ARHGAP10: variants seen among roughly 807,000 people sequenced by gnomAD.
ARHGAP10 encodes Rho GTPase activating protein 10.
Under a neutral mutation model 108.6 loss-of-function variants are expected in ARHGAP10, and 87 were observed. The ratio of observed to expected loss-of-function variants is 0.80; its 90% CI spans 0.67 to 0.96. The LOEUF (loss-of-function observed/expected upper bound fraction) is 0.96, where lower values mean the gene tolerates loss of function less well. ARHGAP10 is among the 40% of genes least tolerant of loss of function. The probability of loss-of-function intolerance (pLI) is 0.00; values close to 1 mark genes in which losing one functional copy is unlikely to be tolerated. For synonymous variants in ARHGAP10, 347 were observed against 341.1 expected, an observed-to-expected ratio of 1.02 and a Z score of -0.19; for missense variants, 939 against 954.5, an observed-to-expected ratio of 0.98 and a Z score of 0.21.
intron 19 of ARHGAP10, among the ~76,000 whole-genome samples, chr4:148,024,610 A>G (rs1470213740): frequency 6.6e-6 from 1 of 152,244 alleles, no homozygotes; most frequent in Non-Finnish European, 1.5e-5. Flanking sequence ...TGATACAAAT[A>G]TTAGTTTTAC....
At chr4:147,755,151 A>G (rs1304238581) in intron 1 of ARHGAP10, among the ~76,000 whole-genome samples, 1 of 152,138 alleles carries the variant, frequency 6.6e-6, no homozygotes, top group African/African-American at 2.4e-5. Flanking sequence ...ATATAATAAA[A>G]GCAAACTTAT....
intron 1 of ARHGAP10, among the ~76,000 whole-genome samples, chr4:147,764,201 G>C (rs149574733): frequency 1.4e-3 from 218 of 152,306 alleles, no homozygotes; most frequent in Middle Eastern, 3.4e-3. Context: ...TACAAGGTCT[G>C]TTTGGGGTAT....
At position 148,062,592 on chromosome 4, in the gene ARHGAP10, A is replaced by G. The variant is rs201592790; in HGVS notation, c.2028-556A>G. On this transcript the variant is annotated intron_variant, in intron 20 of 22. Coordinates refer to ENST00000336498, the MANE Select transcript of ARHGAP10 (RefSeq NM_024605.4). The stretch of plus-strand genomic sequence containing the variant: ...CTGTTTACATTAACTTTAAAAAAAA[A>G]GGGAAATATTAAGAAATGCTCTGGT... 3.9e-5 allele frequency among the ~76,000 whole-genome samples: 6 copies of G among 152,262 alleles called. No individual in the cohort carries two copies. In the East Asian group the frequency reaches 7.7e-4, roughly 20 times the overall value.
chr4:147,884,246 C>G (rs1365688916), intron 10 of ARHGAP10, among the ~76,000 whole-genome samples: 1 of 152,090 alleles, frequency 6.6e-6, no homozygotes, highest in East Asian at 1.9e-4. Context: ...CAGCCATGAT[C>G]CTAGCTATGA....
chr4:147,788,174 T>G (rs1730971466), intron 1 of ARHGAP10, among the ~76,000 whole-genome samples: 1 of 151,992 alleles, frequency 6.6e-6, no homozygotes, highest in Non-Finnish European at 1.5e-5. Flanking sequence ...GGGCCAGGCA[T>G]GGTGGCTTGC....
intron 20 of ARHGAP10, among the ~76,000 whole-genome samples, chr4:148,047,357 A>G (rs569712763): frequency 1.3e-5 from 2 of 152,316 alleles, no homozygotes; most frequent in South Asian, 4.1e-4. Flanking sequence ...ATGTTTCCCC[A>G]CTAGTTATGC....
chr4:147,796,193 A>G (rs952224509), intron 1 of ARHGAP10, among the ~76,000 whole-genome samples: 6 of 152,130 alleles, frequency 3.9e-5, no homozygotes, highest in Admixed American at 2.0e-4. Flanking sequence ...AGTTTCTTCT[A>G]TTTTCTCCAT....
chr4:147,769,381 A>G (rs956090765), intron 1 of ARHGAP10, among the ~76,000 whole-genome samples: 1 of 152,216 alleles, frequency 6.6e-6, no homozygotes, highest in Non-Finnish European at 1.5e-5. Context: ...ATAAGTATAC[A>G]TTCTACAGGC....
At position 148,072,245 on chromosome 4, in the gene ARHGAP10, G is replaced by C; in HGVS notation, c.*164G>C. The C allele has an allele frequency of 1.4e-5, 6 of 443,832 alleles. No homozygotes were observed. The highest frequency in any genetic ancestry group is 2.0e-5 in the Non-Finnish European group (5 of 244,672). The allele number at this position is 443,832 out of a possible 1,614,324, so 27.5% of individuals were successfully genotyped here. A position where few individuals can be genotyped will look rare whatever the true frequency, so the allele number is the denominator to read the frequency against. On this transcript the variant is annotated 3_prime_UTR_variant, in exon 23 of 23. Transcript: ENST00000336498. Reference sequence around the variant, plus strand: ...CTGGGGGTGGGGGGTGGTGGGCAGGGATGGGACGCACCACACAGAACTGTG... The same window carrying C: ...CTGGGGGTGGGGGGTGGTGGGCAGGCATGGGACGCACCACACAGAACTGTG...
intron 18 of ARHGAP10, among the ~76,000 whole-genome samples, chr4:147,971,890 G>T (rs1458457512): frequency 6.6e-6 from 1 of 152,174 alleles, no homozygotes; most frequent in East Asian, 1.9e-4. Flanking sequence ...GAAGGGCATG[G>T]GAGTGAGAAT....
At chr4:147,761,540 A>G (rs1376588453) in intron 1 of ARHGAP10, among the ~76,000 whole-genome samples, 4 of 152,110 alleles carry the variant, frequency 2.6e-5, no homozygotes, top group Non-Finnish European at 4.4e-5. Context: ...TCAAAACTTG[A>G]TATTTGAATT....
chr4:148,025,585 A>C (rs1741735256), intron 19 of ARHGAP10, among the ~76,000 whole-genome samples: 1 of 151,760 alleles, frequency 6.6e-6, no homozygotes, highest in Non-Finnish European at 1.5e-5. Context: ...TTTATATTTT[A>C]CATATTCTAA....
rs1413474154 is a variant in ARHGAP10 at position 147,878,640 on chromosome 4, A to C, written c.833-592A>C. On this transcript the variant is annotated intron_variant, in intron 8 of 22. Transcript: ENST00000336498. ...AAACAAACAAAAAATAGAGCTTACA[A>C]TTAAGAGATTTTCAGATAGGACATA... Among the ~76,000 whole-genome samples the C allele has an allele frequency of 5.9e-5, 9 of 152,262 alleles. No individual in the cohort carries two copies. In the South Asian group the frequency reaches 1.7e-3, roughly 28 times the overall value.
chr4:147,876,121 A>G (rs572043529), intron 8 of ARHGAP10, among the ~76,000 whole-genome samples: 1 of 152,286 alleles, frequency 6.6e-6, no homozygotes, highest in Admixed American at 6.5e-5. Context: ...ATAGAAGTTA[A>G]TGTTCTATGC....
chr4:148,070,852 G>C (rs941405609), intron 22 of ARHGAP10, among the ~76,000 whole-genome samples: 5 of 152,182 alleles, frequency 3.3e-5, no homozygotes, highest in African/African-American at 1.2e-4. Context: ...TTGGGGGTTT[G>C]AGCTGGGGCC....
intron 3 of ARHGAP10, among the ~76,000 whole-genome samples, chr4:147,839,907 C>G (rs966807029): frequency 6.6e-6 from 1 of 152,222 alleles, no homozygotes; most frequent in Non-Finnish European, 1.5e-5. Flanking sequence ...TAATCCTCCA[C>G]ACTGTTACAT....
chr4:148,067,976 C>CA (rs1729971737), intron 22 of ARHGAP10, among the ~76,000 whole-genome samples: 1 of 152,070 alleles, frequency 6.6e-6, no homozygotes, highest in South Asian at 2.1e-4. Context: ...CTATGCCTCC[C>CA]AACTCCCCCG....
chr4:147,855,685 T>G (rs57680318), intron 4 of ARHGAP10, among the ~76,000 whole-genome samples: 4,837 of 149,538 alleles, frequency 0.032, 124 homozygotes, highest in East Asian at 0.097. Flanking sequence ...TCAGATGGTT[T>G]TTTTTTTTTT....
chr4:147,919,737 C>T (rs1737157383), intron 13 of ARHGAP10, among the ~76,000 whole-genome samples: 1 of 152,034 alleles, frequency 6.6e-6, no homozygotes, highest in Admixed American at 6.6e-5. Context: ...TGCCACAATA[C>T]CCAGCTAATT....
Sources: allele counts gnomAD v4.1 joint callset (sites outside exome capture counted in the v4.1 genomes callset), GRCh38; gene constraint gnomAD v4.1.1; transcripts MANE v1.5; gene names NCBI Gene and HGNC (gene_info 2026-07-23, HGNC 2026-07-21).